CALHM4: variants seen among roughly 807,000 people sequenced by gnomAD.
CALHM4 encodes calcium homeostasis modulator protein 4.
In CALHM4, 16 loss-of-function variants were observed where a neutral mutation model predicts 13.3. That is an observed-to-expected ratio of 1.20 (90% CI 0.81 to 1.82). The LOEUF is 1.82. Ranked by LOEUF, CALHM4 falls within the 40% of genes most tolerant of loss-of-function variation. CALHM4 has a pLI of 0.00. For synonymous variants in CALHM4, 127 were observed against 137.1 expected (o/e 0.93, Z 0.52); for missense variants, 344 against 374.9 (o/e 0.92, Z 0.68).
chr6:116,557,824 G>T lies in CALHM4; in HGVS notation c.559-1G>T. The T allele has an allele frequency of 1.2e-6, 2 of 1,608,232 alleles. No homozygotes were observed. The highest frequency in any genetic ancestry group is 1.7e-6 in the Non-Finnish European group (2 of 1,175,920). On this transcript the variant is annotated splice_acceptor_variant, in intron 1 of 1. Coordinates refer to ENST00000368596, the MANE Select transcript of CALHM4 (RefSeq NM_001366078.2). LOFTEE classifies it high-confidence loss of function. ...TTTTTCTTTTTAATAATGATGTGAA[G>T]ATGCTGGGTTGGATTTTGATCACCT... is the stretch of plus-strand genomic sequence containing the variant.
intron 1 of CALHM4, among the ~76,000 whole-genome samples, chr6:116,557,475 G>A (rs1774376013): frequency 6.6e-6 from 1 of 152,174 alleles, no homozygotes; most frequent in Admixed American, 6.5e-5. Context: ...TGATAGTTGA[G>A]AAGTAAGGTT....
At chr6:116,551,195 G>A (rs1774064838), upstream of CALHM4, among the ~76,000 whole-genome samples, 1 of 152,092 alleles carries the variant, frequency 6.6e-6, no homozygotes, top group South Asian at 2.1e-4. Flanking sequence ...TTATTTAAAT[G>A]GCATTGGCCT....
At chr6:116,541,961 C>T (rs1387270806) in intron 1 of CALHM4, among the ~76,000 whole-genome samples, 1 of 152,128 alleles carries the variant, frequency 6.6e-6, no homozygotes, top group Non-Finnish European at 1.5e-5. Context: ...CTTTCTGCAG[C>T]TTCTCAAAAA....
chr6:116,542,555 C>T (rs1773529661), intron 1 of CALHM4, among the ~76,000 whole-genome samples: 1 of 152,056 alleles, frequency 6.6e-6, no homozygotes, highest in African/African-American at 2.4e-5. Context: ...GAGTCCTCTT[C>T]AGAGTTTATA....
In CALHM4 at chr6:116,542,386, T is replaced by A. The variant is rs140160905; in HGVS notation, c.-108-1379T>A. ...AGAAAGAAGAAAAATGAGAGTTTTT[T>A]AAAAAGACTTTCAATCTTTATGTTG... is the stretch of plus-strand genomic sequence containing the variant. On this transcript the variant is annotated intron_variant, in intron 1 of 2. Coordinates refer to the CALHM4 transcript ENST00000368597. 7.8e-3 allele frequency among the ~76,000 whole-genome samples: 1,192 copies of A among 152,244 alleles called. 21 individuals carry two copies. The highest frequency in any genetic ancestry group is 0.027 in the African/African-American group (1,122 of 41,580).
rs755107724 is a variant in CALHM4 at position 116,554,159 on chromosome 6, C to G, written c.366C>G (p.Thr122=). 2 of 1,550,348 alleles carry G rather than the reference C, an allele frequency of 1.3e-6. No homozygotes were observed. The highest frequency in any genetic ancestry group is 2.7e-5 in the African/African-American group (2 of 72,948). The part of the protein sequence containing the change: ...VIAPLTWLAV[T]LLTGTYYECA... ...CTCCTTTAACTTGGCTGGCGGTGAC[C>G]CTGCTGACAGGCACGTATTATGAAT... The change falls in exon 1 of 2, where the codon ACC becomes ACG. Residue 122 remains threonine (T), a synonymous_variant. Coordinates refer to ENST00000368596, the MANE Select transcript of CALHM4 (RefSeq NM_001366078.2).
chr6:116,529,073 G>C (rs946179533), exon 1 of CALHM4: 1 of 152,348 alleles, frequency 6.6e-6, no homozygotes, highest in Non-Finnish European at 1.5e-5. Context: ...CTCTGACCGG[G>C]TCTCCTGTTT....
chr6:116,532,435 A>G lies in CALHM4; in HGVS notation c.-109+3245A>G, dbSNP rs1772800350. 2.0e-5 allele frequency among the ~76,000 whole-genome samples: 3 copies of G among 152,200 alleles called. No homozygotes were observed. The South Asian group carries it at 6.2e-4, about 31-fold the overall frequency. ...TAGTATTTTCTAAGTTCACTTTAAC[A>G]GTATTTAATAAATGTCAACAGGTGT... On this transcript the variant is annotated intron_variant, in intron 1 of 2. Coordinates refer to the CALHM4 transcript ENST00000368597.
chr6:116,543,952 T>G, intron 2 of CALHM4: 7 of 1,133,462 alleles, frequency 6.2e-6, no homozygotes, highest in Non-Finnish European at 8.7e-6. Context: ...TGTCCCATTT[T>G]TAGAGTAAAT....
chr6:116,552,046 C>CT (rs1438037828), upstream of CALHM4, among the ~76,000 whole-genome samples: 1 of 152,014 alleles, frequency 6.6e-6, no homozygotes, highest in Non-Finnish European at 1.5e-5. Flanking sequence ...TGTGTCTTTC[C>CT]TTGGGGCTCA....
Position 116,559,806 on chromosome 6 carries a change from T to G in CALHM4, c.*1595T>G, listed in dbSNP as rs143387699. Reference sequence around the variant, plus strand: ...GTTTATATATATATACAGGTCAATATGCATACATCTTTCTGAAATGGTAGT... The same window carrying G: ...GTTTATATATATATACAGGTCAATAGGCATACATCTTTCTGAAATGGTAGT... On this transcript the variant is annotated 3_prime_UTR_variant, in exon 2 of 2. Coordinates refer to ENST00000368596, the MANE Select transcript of CALHM4 (RefSeq NM_001366078.2). 6.6e-6 allele frequency among the ~76,000 whole-genome samples: 1 copy of G among 152,310 alleles called. No homozygotes were observed. Among genetic ancestry groups the G allele is most frequent in the East Asian group, 1.9e-4 (1 of 5,188 alleles).
chr6:116,544,151 A>AAGAGAGAGACAG (rs1773627920), intron 2 of CALHM4, among the ~76,000 whole-genome samples: 1 of 132,918 alleles, frequency 7.5e-6, no homozygotes, highest in East Asian at 2.3e-4. Flanking sequence ...AAAGGTGAAG[A>AAGAGAGAGACAG]AGAGAGAGAG....
In CALHM4 at chr6:116,554,219, C is replaced by G; in HGVS notation, c.426C>G (p.Tyr142Ter). The G allele has an allele frequency of 6.4e-7, 1 of 1,550,576 alleles. No homozygotes were observed. The highest frequency in any genetic ancestry group is 8.7e-7 in the Non-Finnish European group (1 of 1,146,994). The change falls in exon 1 of 2, where the codon TAC (tyrosine) becomes TAG (stop). Residue 142 changes from tyrosine (Y) to a stop codon, truncating the protein, a stop_gained. Transcript: ENST00000368596. LOFTEE classifies it high-confidence loss of function. Reference protein sequence around the residue: ...AASEFASVDHYPMFDNVSASK... With the variant: ...AASEFASVDH Reference sequence around the variant, plus strand: ...GTGAATTTGCATCTGTGGACCATTACCCAATGTTTGATAATGTCAGTGCCA... The same window carrying G: ...GTGAATTTGCATCTGTGGACCATTAGCCAATGTTTGATAATGTCAGTGCCA...
intron 2 of CALHM4, chr6:116,545,342 A>T: frequency 1.9e-5 from 12 of 642,004 alleles, no homozygotes; most frequent in Non-Finnish European, 3.1e-5. Context: ...GTCATTTATG[A>T]TTCACTTCGC....
In CALHM4 at chr6:116,554,232, A is replaced by G. The variant is rs867100838; in HGVS notation, c.439A>G (p.Asn147Asp). ...ASVDHYPMFD[N>D]VSASKREEIL... Reference sequence around the variant, plus strand: ...TGTGGACCATTACCCAATGTTTGATAATGTCAGTGCCAGCAAACGAGAAGA... The same window carrying G: ...TGTGGACCATTACCCAATGTTTGATGATGTCAGTGCCAGCAAACGAGAAGA... The change falls in exon 1 of 2, where the codon AAT becomes GAT. Residue 147 changes from asparagine to aspartate, a missense_variant. Coordinates refer to ENST00000368596, the MANE Select transcript of CALHM4 (RefSeq NM_001366078.2). 1.3e-6 allele frequency: 2 copies of G among 1,550,510 alleles called. No homozygotes were observed. Among genetic ancestry groups the G allele is most frequent in the Admixed American group, 2.0e-5 (1 of 50,986 alleles).
At chr6:116,552,032 C>T (rs1455364693), upstream of CALHM4, among the ~76,000 whole-genome samples, 1 of 152,056 alleles carries the variant, frequency 6.6e-6, no homozygotes, top group African/African-American at 2.4e-5. Context: ...TTATTTTTTG[C>T]TCCTGTGTCT....
At chr6:116,532,203 A>C (rs564888603) in intron 1 of CALHM4, among the ~76,000 whole-genome samples, 2 of 152,336 alleles carry the variant, frequency 1.3e-5, no homozygotes, top group African/African-American at 4.8e-5. Flanking sequence ...TTCTGGACAG[A>C]CTAGGAGGAG....
intron 2 of CALHM4, among the ~76,000 whole-genome samples, chr6:116,546,259 G>A (rs1323596488): frequency 6.6e-6 from 1 of 152,152 alleles, no homozygotes; most frequent in African/African-American, 2.4e-5. Flanking sequence ...TAAGCCCTTA[G>A]CTTTCTTTTG....
intron 1 of CALHM4, among the ~76,000 whole-genome samples, chr6:116,542,880 G>A (rs1773548840): frequency 6.6e-6 from 1 of 151,942 alleles, no homozygotes; most frequent in Non-Finnish European, 1.5e-5. Flanking sequence ...TGAGTTTCTT[G>A]TATATCTTTC....
Sources: gnomAD v4.1 joint callset for allele counts (sites outside exome capture counted in the v4.1 genomes callset) on GRCh38, gnomAD v4.1.1 for gene constraint, MANE v1.5 for transcripts, NCBI Gene and HGNC (gene_info 2026-07-23, HGNC 2026-07-21) for gene names.